The following MCF2L variants were observed in gnomAD, a reference collection of about 807,000 sequenced individuals.
MCF2L encodes guanine nucleotide exchange factor DBS.
Under a neutral mutation model 153.4 loss-of-function variants are expected in MCF2L, and 97 were observed. The ratio of observed to expected loss-of-function variants is 0.63; its 90% CI spans 0.54 to 0.75. MCF2L has a LOEUF of 0.75. Among genes scored for constraint, MCF2L ranks in the 30% least tolerant of loss-of-function variants. The pLI is 0.00. For synonymous variants in MCF2L, 659 were observed against 632.2 expected, an observed-to-expected ratio of 1.04 and a Z score of -0.64; for missense variants, 1,347 against 1,495.2, an observed-to-expected ratio of 0.90 and a Z score of 1.64.
chr13:113,065,261 G>T (rs1049176329), intron 7 of MCF2L, 176 bp downstream of exon 7: 2 of 667,848 alleles, frequency 3.0e-6, no homozygotes, highest in Non-Finnish European at 5.1e-6. Context: ...AATTAGCTCG[G>T]CAACCTCTCC....
intron 1 of MCF2L, chr13:113,009,544 G>A (rs1233681694): frequency 6.8e-6 from 1 of 147,816 alleles, no homozygotes; most frequent in Non-Finnish European, 1.5e-5. Flanking sequence ...TTGTCCCAAT[G>A]GCAGGGACGG....
At chr13:112,979,404 G>A in intron 1 of MCF2L, 1 of 1,388,048 alleles carries the variant, frequency 7.2e-7, no homozygotes, top group East Asian at 2.9e-5. Flanking sequence ...GGGCAGTGGT[G>A]GCTCGGGCCA....
In MCF2L at chr13:113,099,066, A is replaced by C. The variant is rs994173430; in HGVS notation, c.*2207A>C. ...AAATTTATATATAGATTGGAGATTT[A>C]AAATAAAAGAAGACAGAACAGACAA... On this transcript the variant is annotated 3_prime_UTR_variant, in exon 30 of 30. Coordinates refer to ENST00000535094, the MANE Select transcript of MCF2L (RefSeq NM_001112732.3). 13 of 152,246 alleles carry C rather than the reference A, an allele frequency of 8.5e-5. No homozygotes were observed. Among genetic ancestry groups the C allele is most frequent in the African/African-American group, 2.9e-4 (12 of 41,464 alleles). 9.4% of individuals were successfully genotyped at this position (152,246 alleles called of 1,614,324 possible). A position where few individuals can be genotyped will look rare whatever the true frequency, so the allele number is the denominator to read the frequency against.
intron 16 of MCF2L, 49 bp from the exon 17 acceptor site, chr13:113,082,378 C>T (rs200835928): frequency 8.8e-6 from 10 of 1,132,428 alleles, no homozygotes; most frequent in South Asian, 3.7e-5. Flanking sequence ...CCTGCCCCCC[C>T]ACAGCATCAG....
At chr13:113,047,676 G>C (rs967146751) in intron 4 of MCF2L, among the ~76,000 whole-genome samples, 7 of 152,230 alleles carry the variant, frequency 4.6e-5, no homozygotes, top group Non-Finnish European at 8.8e-5. Context: ...ACGCACCTGG[G>C]TGCCTTTCAT....
intron 1 of MCF2L, among the ~76,000 whole-genome samples, chr13:112,977,394 G>A (rs943545055): frequency 6.6e-6 from 1 of 152,090 alleles, no homozygotes; most frequent in Non-Finnish European, 1.5e-5. Flanking sequence ...AGCTTAGGGA[G>A]GAAGTGGCCC....
In MCF2L at chr13:113,082,430, T is replaced by C; in HGVS notation, c.1879T>C (p.Tyr627His). 6.2e-7 allele frequency: 1 copy of C among 1,609,234 alleles called. No homozygotes were observed. The highest frequency in any genetic ancestry group is 8.5e-7 in the Non-Finnish European group (1 of 1,175,706). The part of the protein sequence containing the change: ...VEELLCVLEG[Y>H]AAEMDNPLMA... ...GACCTCTGCGCTCTCCCTGCAGGGC[T>C]ACGCCGCGGAGATGGATAACCCACT... Residue 627 changes from tyrosine (Y) to histidine (H), a missense_variant, in exon 17 of 30, where the codon TAC becomes CAC. By Grantham distance (83) the Tyr-to-His change is moderately conservative. This residue lies in a region of MCF2L where 820 missense variants were observed against 921.2 expected (regional missense o/e 0.89). Coordinates refer to ENST00000535094, the MANE Select transcript of MCF2L (RefSeq NM_001112732.3).
intron 3 of MCF2L, chr13:113,026,787 C>A: frequency 6.6e-6 from 4 of 603,432 alleles, no homozygotes; most frequent in Non-Finnish European, 8.9e-6. Context: ...TTCCCTCAGG[C>A]TGCAGTTTTT....
intron 4 of MCF2L, among the ~76,000 whole-genome samples, chr13:113,051,043 C>T (rs948969283): frequency 1.3e-5 from 2 of 152,174 alleles, no homozygotes; most frequent in Non-Finnish European, 2.9e-5. Context: ...GGACCCAGCT[C>T]TTCCCGGTGT....
intron 9 of MCF2L, among the ~76,000 whole-genome samples, chr13:113,072,728 C>A (rs2033042849): frequency 6.6e-6 from 1 of 152,090 alleles, no homozygotes; most frequent in African/African-American, 2.4e-5. Context: ...TAATTTGCAT[C>A]TTTTCCTTTT....
rs946327912 is a variant in MCF2L at position 113,083,852 on chromosome 13, C to T, written c.1992-146C>T. ...CTGAGAGCTTGGTGCTCAGGACAGG[C>T]GTGGCTGCGGCGTCTCCAAGTCATG... is the stretch of plus-strand genomic sequence containing the variant. On this transcript the variant is annotated intron_variant, in intron 17 of 29. Transcript: ENST00000535094. The T allele has an allele frequency of 4.4e-5, 30 of 687,652 alleles. No individual in the cohort carries two copies. The Admixed American group carries it at 4.8e-4, about 11-fold the overall frequency. The allele number at this position is 687,652 out of a possible 1,614,324, so 42.6% of individuals were successfully genotyped here. A position where few individuals can be genotyped will look rare whatever the true frequency, so the allele number is the denominator to read the frequency against.
rs910948880 is a variant in MCF2L, at chr13:113,090,592, C to T, written c.2953+864C>T. The T allele has an allele frequency of 1.6e-4, 154 of 985,418 alleles. No homozygotes were observed. The African/African-American group carries it at 2.5e-3, about 16-fold the overall frequency. 61.0% of individuals were successfully genotyped at this position (985,418 alleles called of 1,614,324 possible). On this transcript the variant is annotated intron_variant, in intron 26 of 29. Transcript: ENST00000535094. ...AACAGGGCTGATGGGACCCTTGAGA[C>T]GGAGACGTCTAATGCCCTGCTCACC...
chr13:113,083,951 G>C lies in MCF2L; in HGVS notation c.1992-47G>C, dbSNP rs369844549. 4 of 1,395,378 alleles carry C rather than the reference G, an allele frequency of 2.9e-6. No homozygotes were observed. In the South Asian group the frequency reaches 4.6e-5, roughly 16 times the overall value. 86.4% of individuals were successfully genotyped at this position (1,395,378 alleles called of 1,614,324 possible). ...GTCCATCCACTTGTCACTGGTCCACGTGACTCGGCCTGTCTTTCATACTAC... is the reference window on the plus strand; with the variant it reads ...GTCCATCCACTTGTCACTGGTCCACCTGACTCGGCCTGTCTTTCATACTAC... On this transcript the variant is annotated intron_variant, in intron 17 of 29. Coordinates refer to ENST00000535094, the MANE Select transcript of MCF2L (RefSeq NM_001112732.3).
At chr13:112,944,063 G>C (rs1206640036) in intron 2 of MCF2L, among the ~76,000 whole-genome samples, 1 of 147,554 alleles carries the variant, frequency 6.8e-6, no homozygotes, top group Non-Finnish European at 1.5e-5. Flanking sequence ...CTGGCTGTGG[G>C]GGGAGCGTCT....
At chr13:112,947,386 CAG>C (rs892289839) in intron 2 of MCF2L, among the ~76,000 whole-genome samples, 1 of 152,154 alleles carries the variant, frequency 6.6e-6, no homozygotes, top group Admixed American at 6.5e-5. Context: ...ATCTAAATTC[CAG>C]AGTCTCCTCT....
chr13:112,928,032 T>C (rs1399049281), intron 2 of MCF2L, among the ~76,000 whole-genome samples: 1 of 152,240 alleles, frequency 6.6e-6, no homozygotes, highest in Non-Finnish European at 1.5e-5. Context: ...AGATATTTAA[T>C]TCTGAATAAT....
chr13:113,022,994 C>G (rs553533094), intron 2 of MCF2L, among the ~76,000 whole-genome samples: 3 of 152,218 alleles, frequency 2.0e-5, no homozygotes, highest in East Asian at 1.9e-4. Flanking sequence ...CAAGAGCCCT[C>G]GAGGGCTGGG....
chr13:112,997,995 C>G (rs2083209262), intron 1 of MCF2L, among the ~76,000 whole-genome samples: 1 of 152,150 alleles, frequency 6.6e-6, no homozygotes, highest in Admixed American at 6.5e-5. Context: ...TGCGTCGGCT[C>G]TGTGCCCTGC....
intron 25 of MCF2L, 79 bp from the exon 26 acceptor site, chr13:113,089,530 AT>A: frequency 1.1e-6 from 1 of 878,602 alleles, no homozygotes; most frequent in Non-Finnish European, 1.9e-6. Flanking sequence ...AGATATCTGA[AT>A]GCCTCAGGTC....
Sources: gnomAD v4.1 joint callset for allele counts (sites outside exome capture counted in the v4.1 genomes callset) on GRCh38, gnomAD v4.1.1 for gene constraint, gnomAD v4.1.1 regional missense constraint, MANE v1.5 for transcripts, NCBI Gene and HGNC (gene_info 2026-07-23, HGNC 2026-07-21) for gene names.